The following CIITA variants were observed in gnomAD, a reference collection of about 807,000 sequenced individuals.
CIITA encodes the protein MHC class II transactivator.
In CIITA, 72 loss-of-function variants were observed where a neutral mutation model predicts 115.1. That is an observed-to-expected ratio of 0.63 (90% CI 0.52 to 0.76). The LOEUF is 0.76. Ranked by LOEUF, CIITA falls within the 30% of genes least tolerant of loss-of-function variation. The pLI, the probability that CIITA is intolerant of heterozygous loss-of-function variation, is 0.00. For synonymous variants in CIITA, 763 were observed against 635.6 expected, an observed-to-expected ratio of 1.20 and a Z score of -3.02; for missense variants, 1,617 against 1,463.8, an observed-to-expected ratio of 1.10 and a Z score of -1.71.
chr16:10,878,279 A>C (rs867646471), intron 1 of CIITA, among the ~76,000 whole-genome samples: 16 of 152,098 alleles, frequency 1.1e-4, no homozygotes, highest in African/African-American at 7.2e-5. Context: ...GTGCAGCCTT[A>C]AGTTGCTACG....
intron 12 of CIITA, among the ~76,000 whole-genome samples, chr16:10,909,979 C>A (rs1455364684): frequency 6.6e-6 from 1 of 152,188 alleles, no homozygotes; most frequent in Non-Finnish European, 1.5e-5. Context: ...AAGCAATCCT[C>A]CTGCCTCAGC....
chr16:10,877,401 C>T lies in CIITA; in HGVS notation c.52+19C>T. ...CCCCAAGGTAAAAAGGCCGGGAAAGCATCTTAATTTAGCGTGCAGTCTCAG... is the reference window on the plus strand; with the variant it reads ...CCCCAAGGTAAAAAGGCCGGGAAAGTATCTTAATTTAGCGTGCAGTCTCAG... On this transcript the variant is annotated intron_variant, in intron 1 of 19. Coordinates refer to ENST00000324288, the MANE Select transcript of CIITA (RefSeq NM_000246.4). The T allele has an allele frequency of 6.2e-7, 1 of 1,610,448 alleles. No individual in the cohort carries two copies. The highest frequency in any genetic ancestry group is 8.5e-7 in the Non-Finnish European group (1 of 1,178,122).
chr16:10,883,266 C>T (rs1430743506), intron 1 of CIITA, among the ~76,000 whole-genome samples: 2 of 152,218 alleles, frequency 1.3e-5, no homozygotes, highest in Non-Finnish European at 2.9e-5. Context: ...TGTTGGACTC[C>T]TTTCCAGGTC....
At chr16:10,917,751 A>T (rs2040035482) in intron 15 of CIITA, among the ~76,000 whole-genome samples, 1 of 152,176 alleles carries the variant, frequency 6.6e-6, no homozygotes, top group Non-Finnish European at 1.5e-5. Flanking sequence ...AAGTGCTGGG[A>T]TTACCGGCAT....
intron 13 of CIITA, among the ~76,000 whole-genome samples, chr16:10,914,123 G>A (rs974188726): frequency 3.3e-5 from 5 of 152,138 alleles, no homozygotes; most frequent in African/African-American, 9.7e-5. Flanking sequence ...AGAAGGCAGG[G>A]ATTTTCGTCT....
At position 10,936,184 on chromosome 16, in the gene CIITA, C is replaced by T. The variant is rs752948194; in HGVS notation, c.*12329C>T. On this transcript the variant is annotated 3_prime_UTR_variant, in exon 20 of 20. Transcript: ENST00000324288. ...TTTTTTTTCCTACTTTTTGTAGAGA[C>T]GGGGTCTCACTATGTTGCCCAGGCT... The T allele has an allele frequency of 3.3e-5, 5 of 151,852 alleles. No homozygotes were observed. The highest frequency in any genetic ancestry group is 1.9e-4 in the East Asian group (1 of 5,174). The allele number at this position is 151,852 out of a possible 1,614,324, so 9.4% of individuals were successfully genotyped here.
Position 10,920,805 on chromosome 16 carries a change from G to A in CIITA, c.3150-1362G>A, listed in dbSNP as rs75434585. On this transcript the variant is annotated intron_variant, in intron 16 of 19. Coordinates refer to ENST00000324288, the MANE Select transcript of CIITA (RefSeq NM_000246.4). The surrounding 1 kb of genome is among the most constrained non-coding windows in gnomAD (Gnocchi z 4.5). ...CCCATCTAGTTTCTGCACTGGTACC[G>A]GCCGACCCGTGATGTGAGTTGATTT... Among the ~76,000 whole-genome samples the A allele has an allele frequency of 7.6e-3, 1,159 of 152,290 alleles. 17 individuals carry two copies. Among genetic ancestry groups the A allele is most frequent in the Non-Finnish European group, 1.0e-2 (680 of 68,016 alleles).
Position 10,916,558 on chromosome 16 carries a change from C to T in CIITA, c.3062+99C>T, listed in dbSNP as rs1330069864. 4 of 993,250 alleles carry T rather than the reference C, an allele frequency of 4.0e-6. No homozygotes were observed. The South Asian group carries it at 4.1e-5, about 10-fold the overall frequency. 61.5% of individuals were successfully genotyped at this position (993,250 alleles called of 1,614,324 possible). A position where few individuals can be genotyped will look rare whatever the true frequency, so the allele number is the denominator to read the frequency against. On this transcript the variant is annotated intron_variant, in intron 15 of 19. Transcript: ENST00000324288. ...AAATTTGTTTTTTTAGACAAGGGCT[C>T]GCTGTGTCACCCAGGCTAGAATATA...
chr16:10,915,660 G>A lies in CIITA; in HGVS notation c.2969+10G>A. The A allele has an allele frequency of 2.5e-6, 4 of 1,609,544 alleles. No homozygotes were observed. The highest frequency in any genetic ancestry group is 3.4e-6 in the Non-Finnish European group (4 of 1,175,984). ...CCCTGCAGCATCTGGAGTGAGTATA[G>A]ACTCTGGGACCCCTTCCTCTCAACA... On this transcript the variant is annotated intron_variant, in intron 14 of 19. Transcript: ENST00000324288.
Position 10,923,214 on chromosome 16 carries a change from AT to A in CIITA, c.3318-13del, listed in dbSNP as rs2145171550. On this transcript the variant is annotated splice_polypyrimidine_tract_variant and intron_variant, in intron 18 of 19. Transcript: ENST00000324288. This position sits in a 1 kb window ranked among gnomAD's most constrained non-coding sequence, Gnocchi z 5.2. ...CTCCTCTAACCTGGCTCTGAGTCCC[AT>A]CCCCCCTTGCAGGATGTGGACGCCC... 2 of 1,612,134 alleles carry A rather than the reference AT, an allele frequency of 1.2e-6. No homozygotes were observed. The highest frequency in any genetic ancestry group is 1.3e-5 in the African/African-American group (1 of 75,022).
chr16:10,923,035 G>C lies in CIITA; in HGVS notation c.3318-193G>C. The C allele has an allele frequency of 1.6e-6, 1 of 613,566 alleles. No individual in the cohort carries two copies. Among genetic ancestry groups the C allele is most frequent in the Non-Finnish European group, 2.9e-6 (1 of 342,836 alleles). The allele number at this position is 613,566 out of a possible 1,614,324, so 38.0% of individuals were successfully genotyped here. A position where few individuals can be genotyped will look rare whatever the true frequency, so the allele number is the denominator to read the frequency against. On this transcript the variant is annotated intron_variant, in intron 18 of 19. Coordinates refer to ENST00000324288, the MANE Select transcript of CIITA (RefSeq NM_000246.4). This position sits in a 1 kb window ranked among gnomAD's most constrained non-coding sequence, Gnocchi z 5.2. ...GGGGTCACACAGCAAGTCAGCTGCA[G>C]AACCATAAAGGAATCTCGGGCCTCC...
upstream of CIITA, among the ~76,000 whole-genome samples, chr16:10,874,817 G>A (rs138039739): frequency 7.4e-4 from 113 of 152,234 alleles, no homozygotes; most frequent in African/African-American, 2.6e-3. Flanking sequence ...CTTGGCCATC[G>A]GTCTGAGGGT....
In CIITA at chr16:10,895,359, C is replaced by A. The variant is rs1188800677; in HGVS notation, c.130C>A (p.Pro44Thr). 3 of 1,613,974 alleles carry A rather than the reference C, an allele frequency of 1.9e-6. No homozygotes were observed. Among genetic ancestry groups the A allele is most frequent in the Non-Finnish European group, 2.5e-6 (3 of 1,180,026 alleles). The change falls in exon 2 of 20, where the codon CCC becomes ACC. Residue 44 changes from proline to threonine, a missense_variant. Coordinates refer to ENST00000324288, the MANE Select transcript of CIITA (RefSeq NM_000246.4). ...GGAGCTTCTTAACAGCGATGCTGACCCCCTGTGCCTCTACCACTTCTATGA... is the reference window on the plus strand; with the variant it reads ...GGAGCTTCTTAACAGCGATGCTGACACCCTGTGCCTCTACCACTTCTATGA... Reference protein sequence around the residue: ...YLELLNSDADPLCLYHFYDQM... With the variant: ...YLELLNSDADTLCLYHFYDQM...
chr16:10,870,442 G>A (rs1229733427), intron 1 of CIITA, among the ~76,000 whole-genome samples: 2 of 152,226 alleles, frequency 1.3e-5, no homozygotes, highest in African/African-American at 4.8e-5. Context: ...TGAGTCCCAA[G>A]AGTCAAAGTC....
intron 1 of CIITA, among the ~76,000 whole-genome samples, chr16:10,882,689 G>C (rs1021882740): frequency 6.6e-6 from 1 of 152,212 alleles, no homozygotes; most frequent in Non-Finnish European, 1.5e-5. Flanking sequence ...CCTGGGATCA[G>C]GAGTTCGAGA....
intron 1 of CIITA, among the ~76,000 whole-genome samples, chr16:10,867,899 G>T (rs1206367702): frequency 6.6e-6 from 1 of 152,058 alleles, no homozygotes; most frequent in South Asian, 2.1e-4. Flanking sequence ...GGGACTACAG[G>T]CATGCACCAC....
In CIITA at chr16:10,923,390, G is replaced by A; in HGVS notation, c.*22+65G>A. ...TTGGGGGCAGTGTCCTTGTGAAGGT[G>A]GCATTCAAAAAATGTGGGCGGGACA... On this transcript the variant is annotated intron_variant, in intron 19 of 19. Coordinates refer to ENST00000324288, the MANE Select transcript of CIITA (RefSeq NM_000246.4). The surrounding 1 kb of genome is among the most constrained non-coding windows in gnomAD (Gnocchi z 5.2). 1.5e-6 allele frequency: 2 copies of A among 1,336,112 alleles called. No homozygotes were observed. The highest frequency in any genetic ancestry group is 1.1e-6 in the Non-Finnish European group (1 of 932,080). 82.8% of individuals were successfully genotyped at this position (1,336,112 alleles called of 1,614,324 possible).
intron 8 of CIITA, 113 bp from the exon 9 acceptor site, chr16:10,903,618 C>T: frequency 8.8e-7 from 1 of 1,142,192 alleles, no homozygotes; most frequent in Admixed American, 1.7e-5. Context: ...GTTCTACTCT[C>T]TTCTCTCCAG....
Position 10,922,240 on chromosome 16 carries a change from C to T in CIITA, c.3223C>T (p.Arg1075Trp), listed in dbSNP as rs141713994. The change falls in exon 17 of 20, where the codon CGG (arginine) becomes TGG (tryptophan). Residue 1075 changes from arginine (R) to tryptophan (W), a missense_variant. Coordinates refer to ENST00000324288, the MANE Select transcript of CIITA (RefSeq NM_000246.4). ...ARVLPDMVSL[R>W]VMDVQYNKFT... The stretch of plus-strand genomic sequence containing the variant: ...TGTGCTTCCGGACATGGTGTCCCTC[C>T]GGGTGATGGAGTGAGTGTGGGAGTC... 1.9e-6 allele frequency: 3 copies of T among 1,614,178 alleles called. No homozygotes were observed. Among genetic ancestry groups the T allele is most frequent in the Non-Finnish European group, 2.5e-6 (3 of 1,179,996 alleles).
Sources: allele counts gnomAD v4.1 joint callset (sites outside exome capture counted in the v4.1 genomes callset), GRCh38; gene constraint gnomAD v4.1.1; non-coding constraint Gnocchi (gnomAD v3.1); transcripts MANE v1.5; gene names NCBI Gene and HGNC (gene_info 2026-07-23, HGNC 2026-07-21).